Variants in NDUFC2 observed in about 807,000 individuals in gnomAD.
NDUFC2 encodes the protein NADH dehydrogenase [ubiquinone] 1 subunit C2.
Under a neutral mutation model 10.1 loss-of-function variants are expected in NDUFC2, and 2 were observed. The observed-to-expected ratio is 0.20, with a 90% CI of 0.08 to 0.62. The LOEUF (loss-of-function observed/expected upper bound fraction) is 0.62, where lower values mean the gene tolerates loss of function less well. Among genes scored for constraint, NDUFC2 ranks in the 20% least tolerant of loss-of-function variants. The pLI, the probability that NDUFC2 is intolerant of heterozygous loss-of-function variation, is 0.87. For synonymous variants in NDUFC2, 61 were observed against 63.6 expected, an observed-to-expected ratio of 0.96 and a Z score of 0.20; for missense variants, 156 against 159.6, an observed-to-expected ratio of 0.98 and a Z score of 0.12.
Position 78,069,638 on chromosome 11 carries a change from T to C in NDUFC2, c.*349A>G, listed in dbSNP as rs539228998. On this transcript the variant is annotated 3_prime_UTR_variant, in exon 3 of 3. Coordinates refer to ENST00000281031, the MANE Select transcript of NDUFC2 (RefSeq NM_004549.6). ...GGTCTCTATCACAACTACTCAATTC[T>C]GCTCTTGCAGCATGGCAGTCGCCAT... 1 of 545,460 alleles carries C rather than the reference T, an allele frequency of 1.8e-6. No homozygotes were observed. The highest frequency in any genetic ancestry group is 1.9e-5 in the African/African-American group (1 of 52,138). 33.8% of individuals were successfully genotyped at this position (545,460 alleles called of 1,614,324 possible).
At chr11:78,071,364 C>T (rs1197674001) in intron 2 of NDUFC2, among the ~76,000 whole-genome samples, 1 of 151,274 alleles carries the variant, frequency 6.6e-6, no homozygotes, top group African/African-American at 2.4e-5. Context: ...TCAAGTAATC[C>T]TCCTGCCTCA....
intron 1 of NDUFC2, 100 bp from the exon 2 acceptor site, chr11:78,073,241 C>T: frequency 6.4e-7 from 1 of 1,572,226 alleles, no homozygotes; most frequent in Admixed American, 2.0e-5. Flanking sequence ...CCTGTAATCC[C>T]AGCACTTTGG....
chr11:78,077,374 A>G (rs1859295954), intron 1 of NDUFC2, among the ~76,000 whole-genome samples: 1 of 152,028 alleles, frequency 6.6e-6, no homozygotes, highest in South Asian at 2.1e-4. Flanking sequence ...AGGAAGGGGA[A>G]CTCTGTCCAG....
chr11:78,076,921 C>G (rs187313157), intron 1 of NDUFC2, among the ~76,000 whole-genome samples: 1 of 152,270 alleles, frequency 6.6e-6, no homozygotes, highest in Admixed American at 6.5e-5. Context: ...ATCTATCATA[C>G]CAAGATCAGC....
intron 1 of NDUFC2, among the ~76,000 whole-genome samples, chr11:78,078,508 T>C (rs636141): frequency 0.86 from 129,967 of 151,942 alleles, 55,675 homozygotes; most frequent in Admixed American, 0.89. Context: ...CTCTCCTCTT[T>C]TCCCTCTGGA....
Position 78,069,806 on chromosome 11 carries a change from T to C in NDUFC2, c.*181A>G. 8.0e-6 allele frequency: 11 copies of C among 1,380,538 alleles called. No homozygotes were observed. The highest frequency in any genetic ancestry group is 1.1e-5 in the Non-Finnish European group (11 of 1,002,310). 85.5% of individuals were successfully genotyped at this position (1,380,538 alleles called of 1,614,324 possible). On this transcript the variant is annotated 3_prime_UTR_variant, in exon 3 of 3. Coordinates refer to ENST00000281031, the MANE Select transcript of NDUFC2 (RefSeq NM_004549.6). The stretch of plus-strand genomic sequence containing the variant: ...CAGATGGGTGAATGGAAACTGACCA[T>C]TCTCTGATGATGAACTATTTTTCTT...
intron 1 of NDUFC2, among the ~76,000 whole-genome samples, chr11:78,078,728 C>CTTT (rs71046953): frequency 0.066 from 4,044 of 61,622 alleles, 900 homozygotes; most frequent in African/African-American, 0.072. Flanking sequence ...TCAGGATCCG[C>CTTT]TTTTTTTTTT....
At chr11:78,073,426 A>C (rs1280186426) in intron 1 of NDUFC2, among the ~76,000 whole-genome samples, 1 of 152,164 alleles carries the variant, frequency 6.6e-6, no homozygotes, top group Non-Finnish European at 1.5e-5. Flanking sequence ...TGGGAGGCAG[A>C]GGTTGCAGTA....
intron 1 of NDUFC2, among the ~76,000 whole-genome samples, chr11:78,075,006 T>C (rs1357363564): frequency 6.6e-6 from 1 of 152,170 alleles, no homozygotes; most frequent in Non-Finnish European, 1.5e-5. Flanking sequence ...TCTCTCCTCA[T>C]TCTCTCTTAG....
At position 78,079,840 on chromosome 11, in the gene NDUFC2, C is replaced by T; in HGVS notation, c.-96G>A. On this transcript the variant is annotated 5_prime_UTR_variant, in exon 1 of 3. Transcript: ENST00000281031. The stretch of plus-strand genomic sequence containing the variant: ...CCCGGCCTAAGCGGTCAGCTTTCTC[C>T]TCCTCCTCTGCGCGCCGGACTCACG... The T allele has an allele frequency of 6.2e-6, 9 of 1,460,050 alleles. No individual in the cohort carries two copies. The highest frequency in any genetic ancestry group is 8.2e-6 in the Non-Finnish European group (9 of 1,102,112). 90.4% of individuals were successfully genotyped at this position (1,460,050 alleles called of 1,614,324 possible). A position where few individuals can be genotyped will look rare whatever the true frequency, so the allele number is the denominator to read the frequency against.
intron 2 of NDUFC2, among the ~76,000 whole-genome samples, chr11:78,072,073 G>T (rs570950646): frequency 6.6e-6 from 1 of 152,336 alleles, no homozygotes; most frequent in Admixed American, 6.5e-5. Context: ...TGGGTAAAGT[G>T]TTTCTACCAG....
chr11:78,073,565 G>T (rs908834608), intron 1 of NDUFC2, among the ~76,000 whole-genome samples: 1 of 151,856 alleles, frequency 6.6e-6, no homozygotes, highest in African/African-American at 2.4e-5. Context: ...CCAGCACTTT[G>T]GGAGGCTGAG....
At chr11:78,077,553 G>GTTTA (rs934577976) in intron 1 of NDUFC2, among the ~76,000 whole-genome samples, 4 of 152,086 alleles carry the variant, frequency 2.6e-5, no homozygotes, top group South Asian at 2.1e-4. Flanking sequence ...GAGCAAGTCT[G>GTTTA]TTTATTTATT....
intron 1 of NDUFC2, 85 bp from the exon 2 acceptor site, chr11:78,073,226 T>G: frequency 1.9e-6 from 3 of 1,595,636 alleles, no homozygotes; most frequent in Non-Finnish European, 2.6e-6. Context: ...ACGCAGTGGC[T>G]CACACCTGTA....
intron 1 of NDUFC2, among the ~76,000 whole-genome samples, chr11:78,076,711 A>G (rs570325604): frequency 6.6e-6 from 1 of 152,234 alleles, no homozygotes; most frequent in South Asian, 2.1e-4. Flanking sequence ...GTGATGTCAA[A>G]CCCCAAAGCA....
At chr11:78,079,084 G>A (rs1157641615) in intron 1 of NDUFC2, among the ~76,000 whole-genome samples, 1 of 142,730 alleles carries the variant, frequency 7.0e-6, no homozygotes, top group African/African-American at 2.7e-5. Context: ...AGTTTGAGAA[G>A]CACTGGTGTC....
At chr11:78,078,656 C>T (rs1478597241) in intron 1 of NDUFC2, among the ~76,000 whole-genome samples, 1 of 149,902 alleles carries the variant, frequency 6.7e-6, no homozygotes, top group Middle Eastern at 3.2e-3. Context: ...GGTCCTCAGA[C>T]CAGCAGCAGC....
intron 1 of NDUFC2, among the ~76,000 whole-genome samples, chr11:78,078,481 C>T (rs1859345134): frequency 6.6e-6 from 1 of 152,108 alleles, no homozygotes; most frequent in African/African-American, 2.4e-5. Flanking sequence ...ACTTCAAAGA[C>T]CCCTCTTCCA....
chr11:78,077,013 C>T (rs998720112), intron 1 of NDUFC2, among the ~76,000 whole-genome samples: 2 of 152,218 alleles, frequency 1.3e-5, no homozygotes, highest in Non-Finnish European at 2.9e-5. Flanking sequence ...TAAGTAAGGC[C>T]AGGCACAGTG....
Sources: allele counts gnomAD v4.1 joint callset (sites outside exome capture counted in the v4.1 genomes callset), GRCh38; gene constraint gnomAD v4.1.1; transcripts MANE v1.5; gene names NCBI Gene and HGNC (gene_info 2026-07-23, HGNC 2026-07-21).